CLDN20: variants seen among roughly 807,000 people sequenced by gnomAD.
The protein encoded by CLDN20 is claudin 20.
For missense variants in CLDN20, 258 were observed against 267.9 expected (o/e 0.96, Z 0.26); for synonymous variants, 104 against 103.6 (o/e 1.00, Z -0.03).
intron 1 of CLDN20, among the ~76,000 whole-genome samples, chr6:155,269,324 C>CT (rs60162262): frequency 0.021 from 2,669 of 127,148 alleles, 90 homozygotes; most frequent in African/African-American, 0.035. Context: ...CTTTTCTTTT[C>CT]TTTTTTTTTT....
At position 155,276,534 on chromosome 6, in the gene CLDN20, T is replaced by G. The variant is rs77018521; in HGVS notation, c.*155T>G. ...AAGTAGTTTAAAATGCCAATAAAACTATCATATACAATTACATCTGTCTGA... is the reference window on the plus strand; with the variant it reads ...AAGTAGTTTAAAATGCCAATAAAACGATCATATACAATTACATCTGTCTGA... On this transcript the variant is annotated 3_prime_UTR_variant, in exon 2 of 2. Transcript: ENST00000367165. The G allele has an allele frequency of 1.2e-3, 783 of 652,822 alleles. 5 individuals are homozygous for G. The African/African-American group carries it at 0.013, about 11-fold the overall frequency. The allele number at this position is 652,822 out of a possible 1,614,324, so 40.4% of individuals were successfully genotyped here.
chr6:155,273,031 C>T (rs1262582766), intron 1 of CLDN20, among the ~76,000 whole-genome samples: 1 of 152,164 alleles, frequency 6.6e-6, no homozygotes. Context: ...AGAAAATGTT[C>T]CAGCAACCCC....
At chr6:155,267,380 T>C (rs1317760427) in intron 1 of CLDN20, among the ~76,000 whole-genome samples, 1 of 152,254 alleles carries the variant, frequency 6.6e-6, no homozygotes, top group Non-Finnish European at 1.5e-5. Flanking sequence ...CAATGTTTTA[T>C]TTGGGAAGCA....
At chr6:155,272,996 GA>G (rs1785005158) in intron 1 of CLDN20, among the ~76,000 whole-genome samples, 1 of 152,178 alleles carries the variant, frequency 6.6e-6, no homozygotes, top group South Asian at 2.1e-4. Context: ...GAGGGAGAGA[GA>G]AAAGTGAGCA....
At chr6:155,268,044 C>T (rs943514367) in intron 1 of CLDN20, among the ~76,000 whole-genome samples, 11 of 152,122 alleles carry the variant, frequency 7.2e-5, no homozygotes, top group African/African-American at 2.4e-4. Flanking sequence ...TTTTACAGAC[C>T]GAAGATGCCC....
Position 155,275,954 on chromosome 6 carries a change from G to A in CLDN20, c.235G>A (p.Ala79Thr). 6.2e-7 allele frequency: 1 copy of A among 1,614,150 alleles called. No homozygotes were observed. The highest frequency in any genetic ancestry group is 1.3e-5 in the African/African-American group (1 of 75,010). The change falls in exon 2 of 2, where the codon GCT becomes ACT. Residue 79 changes from alanine (A) to threonine (T), a missense_variant. Transcript: ENST00000367165. The stretch of plus-strand genomic sequence containing the variant: ...TCTGTCCCTCCCCATCCACGTGCAG[G>A]CTGCGAGAGCCACCATGGTCCTGGC... ...SILSLPIHVQ[A>T]ARATMVLACV...
At chr6:155,265,515 A>T (rs1224493005) in intron 1 of CLDN20, among the ~76,000 whole-genome samples, 4 of 151,590 alleles carry the variant, frequency 2.6e-5, no homozygotes, top group African/African-American at 9.7e-5. Context: ...GAAGAAGAAC[A>T]TTATTTTAGG....
At chr6:155,275,542 C>T in intron 1 of CLDN20, 74 bp from the exon 2 acceptor site, 1 of 635,934 alleles carries the variant, frequency 1.6e-6, no homozygotes, top group Non-Finnish European at 2.8e-6. Context: ...GTGTTCTTGG[C>T]TCCTACTCTA....
At chr6:155,273,704 G>A (rs1399203796) in intron 1 of CLDN20, among the ~76,000 whole-genome samples, 2 of 152,196 alleles carry the variant, frequency 1.3e-5, no homozygotes, top group Non-Finnish European at 2.9e-5. Context: ...GGGAAAGGAT[G>A]CGGGATGACC....
chr6:155,276,405 G>C lies in CLDN20; in HGVS notation c.*26G>C. 6.4e-7 allele frequency: 1 copy of C among 1,572,900 alleles called. No individual in the cohort carries two copies. The highest frequency in any genetic ancestry group is 8.6e-7 in the Non-Finnish European group (1 of 1,157,060). ...ATAACTGAGTAATGCATATGAAATG[G>C]AACTTTTGGGTGCCAAATGGGACTT... On this transcript the variant is annotated 3_prime_UTR_variant, in exon 2 of 2. Transcript: ENST00000367165.
At chr6:155,269,421 A>C (rs572941589) in intron 1 of CLDN20, among the ~76,000 whole-genome samples, 1 of 147,802 alleles carries the variant, frequency 6.8e-6, no homozygotes, top group Admixed American at 6.9e-5. Context: ...TGCTGGGTTC[A>C]AGCGATTCTC....
At chr6:155,272,783 C>T (rs1015598863) in intron 1 of CLDN20, among the ~76,000 whole-genome samples, 4 of 152,134 alleles carry the variant, frequency 2.6e-5, no homozygotes, top group African/African-American at 9.7e-5. Flanking sequence ...TTAAATGACA[C>T]GTCATATTGT....
chr6:155,266,203 T>G (rs1429358270), intron 1 of CLDN20, among the ~76,000 whole-genome samples: 1 of 152,136 alleles, frequency 6.6e-6, no homozygotes, highest in Non-Finnish European at 1.5e-5. Flanking sequence ...TTTTTTAAAA[T>G]TCAGAACCCC....
chr6:155,264,944 G>A (rs1784556119), intron 1 of CLDN20, among the ~76,000 whole-genome samples: 1 of 152,192 alleles, frequency 6.6e-6, no homozygotes, highest in Non-Finnish European at 1.5e-5. Context: ...TAATCCTCAA[G>A]AAAGCACAAA....
rs947748263 is a variant in CLDN20 at position 155,265,765 on chromosome 6, T to C, written c.-105+1477T>C. On this transcript the variant is annotated intron_variant, in intron 1 of 1. Coordinates refer to ENST00000367165, the MANE Select transcript of CLDN20 (RefSeq NM_001001346.3). ...TATATAATATATAATATATATTTAA[T>C]ATATAATATGTAAATATTAAATATA... 4.1e-5 allele frequency among the ~76,000 whole-genome samples: 6 copies of C among 146,340 alleles called. No homozygotes were observed. The South Asian group carries it at 8.5e-4, about 21-fold the overall frequency.
At chr6:155,266,613 A>G (rs2352573) in intron 1 of CLDN20, among the ~76,000 whole-genome samples, 99,717 of 151,938 alleles carry the variant, frequency 0.66, 33,483 homozygotes, top group East Asian at 0.98. Flanking sequence ...TTGGAAGGCC[A>G]AAGCGGGCGA....
At chr6:155,272,653 A>ATAT (rs1337432099) in intron 1 of CLDN20, among the ~76,000 whole-genome samples, 1 of 152,138 alleles carries the variant, frequency 6.6e-6, no homozygotes, top group Non-Finnish European at 1.5e-5. Context: ...AAATGCCAGT[A>ATAT]TATTTGTATG....
intron 1 of CLDN20, among the ~76,000 whole-genome samples, chr6:155,267,301 G>A (rs1784699676): frequency 6.6e-6 from 1 of 152,186 alleles, no homozygotes; most frequent in African/African-American, 2.4e-5. Flanking sequence ...CTTGATGAAA[G>A]GGTCAGCTGA....
rs927718 is a variant in CLDN20, at chr6:155,275,767, T to G, written c.48T>G (p.Ser16=). Residue 16 remains serine (S), a synonymous_variant, in exon 2 of 2, where the codon TCT becomes TCG. Transcript: ENST00000367165. Reference sequence around the variant, plus strand: ...TCCTTGCTTTCATCCTGGCCTTATCTGGGGTCTCTGGAGTGCTCACAGCCA... The same window carrying G: ...TCCTTGCTTTCATCCTGGCCTTATCGGGGGTCTCTGGAGTGCTCACAGCCA... ...LQLLAFILAL[S]GVSGVLTATL... The G allele has an allele frequency of 1.2e-6, 2 of 1,613,774 alleles. No homozygotes were observed.
Sources: gnomAD v4.1 joint callset for allele counts (sites outside exome capture counted in the v4.1 genomes callset) on GRCh38, gnomAD v4.1.1 for gene constraint, MANE v1.5 for transcripts, NCBI Gene and HGNC (gene_info 2026-07-23, HGNC 2026-07-21) for gene names.